Variants in CTNNB1 observed in about 807,000 individuals in gnomAD.
CTNNB1 encodes the protein catenin beta-1.
Under a neutral mutation model 82.5 loss-of-function variants are expected in CTNNB1, and 6 were observed. The ratio of observed to expected loss-of-function variants is 0.07; its 90% confidence interval spans 0.04 to 0.14. The LOEUF is 0.14. Ranked by LOEUF, CTNNB1 falls within the 10% of genes least tolerant of loss-of-function variation. The pLI, the probability that CTNNB1 is intolerant of heterozygous loss-of-function variation, is 1.00. For synonymous variants in CTNNB1, 312 were observed against 329.7 expected (o/e 0.95, Z 0.58); for missense variants, 529 against 980.4 (o/e 0.54, Z 6.15).
rs201061014 is a variant in CTNNB1, at chr3:41,236,658, A to G, written c.2025A>G (p.Ser675=). 1.9e-5 allele frequency: 30 copies of G among 1,614,252 alleles called. No homozygotes were observed. The African/African-American group carries it at 3.6e-4, about 19-fold the overall frequency. The change falls in exon 13 of 15, where the codon TCA becomes TCG. Residue 675 remains serine, a synonymous_variant. Coordinates refer to ENST00000349496, the MANE Select transcript of CTNNB1 (RefSeq NM_001904.4). ...CACAAGATTACAAGAAACGGCTTTC[A>G]GTTGAGCTGACCAGCTCTCTCTTCA... ...DKPQDYKKRL[S]VELTSSLFRT... is the part of the protein sequence containing the mutation.
chr3:41,210,315 G>A (rs527514247), intron 1 of CTNNB1, among the ~76,000 whole-genome samples: 65 of 152,194 alleles, frequency 4.3e-4, no homozygotes, highest in African/African-American at 1.3e-3. Context: ...TTAGCCGGGC[G>A]TGGTGGCGGG....
At chr3:41,232,106 T>A (rs1575327039) in intron 7 of CTNNB1, among the ~76,000 whole-genome samples, 1 of 151,336 alleles carries the variant, frequency 6.6e-6, no homozygotes, top group African/African-American at 2.4e-5. Flanking sequence ...GAAGGGGAGG[T>A]AGAGGTGCCA....
At chr3:41,224,490 C>T (rs759006595) in intron 2 of CTNNB1, 36 bp from the exon 3 acceptor site, 17 of 1,546,522 alleles carry the variant, frequency 1.1e-5, no homozygotes, top group Non-Finnish European at 1.5e-5. Context: ...GTAACATTTC[C>T]AATCTACTAA....
In CTNNB1 at chr3:41,239,443, G is replaced by A; in HGVS notation, c.*101G>A. 9.7e-7 allele frequency: 1 copy of A among 1,032,320 alleles called. No homozygotes were observed. Among genetic ancestry groups the A allele is most frequent in the South Asian group, 1.4e-5 (1 of 73,338 alleles). 63.9% of individuals were successfully genotyped at this position (1,032,320 alleles called of 1,614,324 possible). A position where few individuals can be genotyped will look rare whatever the true frequency, so the allele number is the denominator to read the frequency against. On this transcript the variant is annotated 3_prime_UTR_variant, in exon 15 of 15. Transcript: ENST00000349496. Reference sequence around the variant, plus strand: ...AGACTTGGTTGGTAGGGTGGGAGTGGTTTAGGCTATTTGTAAATCTGCCAC... The same window carrying A: ...AGACTTGGTTGGTAGGGTGGGAGTGATTTAGGCTATTTGTAAATCTGCCAC...
chr3:41,210,092 C>T (rs1406376564), intron 1 of CTNNB1, among the ~76,000 whole-genome samples: 1 of 152,258 alleles, frequency 6.6e-6, no homozygotes, highest in South Asian at 2.1e-4. Flanking sequence ...CAAAAATTTT[C>T]TTTATATCTT....
Position 41,234,314 on chromosome 3 carries a change from A to G in CTNNB1, c.1683+17A>G, listed in dbSNP as rs2276826. On this transcript the variant is annotated intron_variant, in intron 10 of 14. Transcript: ENST00000349496. ...CAATTTGTGGTAGGTAAATTCTTAC[A>G]GTGATACCTGGCTATCTAAAAGGAA... 1,503 of 1,613,840 alleles carry G rather than the reference A, an allele frequency of 9.3e-4. 24 individuals carry two copies. In the East Asian group the frequency reaches 0.028, roughly 30 times the overall value.
chr3:41,210,125 A>G (rs1011060962), intron 1 of CTNNB1, among the ~76,000 whole-genome samples: 1 of 152,148 alleles, frequency 6.6e-6, no homozygotes, highest in Non-Finnish European at 1.5e-5. Flanking sequence ...TATATTTTTA[A>G]AATTACTTTT....
At chr3:41,199,876 C>T (rs1038925191) in intron 1 of CTNNB1, 5 of 148,550 alleles carry the variant, frequency 3.4e-5, no homozygotes, top group Admixed American at 3.3e-4. Flanking sequence ...GTTCCGGTCG[C>T]GCTGCCTCTC....
intron 1 of CTNNB1, among the ~76,000 whole-genome samples, chr3:41,204,438 A>G (rs989400015): frequency 6.6e-6 from 1 of 152,232 alleles, no homozygotes; most frequent in African/African-American, 2.4e-5. Flanking sequence ...TAAGAATAAG[A>G]TCGCTTTCAG....
chr3:41,204,167 C>T (rs1354483594), intron 1 of CTNNB1, among the ~76,000 whole-genome samples: 7 of 151,580 alleles, frequency 4.6e-5, no homozygotes, highest in Admixed American at 3.3e-4. Flanking sequence ...ATTAAATATT[C>T]CTCCATCAAG....
intron 1 of CTNNB1, chr3:41,220,898 A>G (rs1036770832): frequency 2.0e-5 from 3 of 152,236 alleles, no homozygotes; most frequent in African/African-American, 7.2e-5. Flanking sequence ...AAATAACTTC[A>G]GTGTGAAATC....
intron 1 of CTNNB1, among the ~76,000 whole-genome samples, chr3:41,213,634 T>G (rs1419725998): frequency 6.6e-6 from 1 of 152,116 alleles, no homozygotes; most frequent in Non-Finnish European, 1.5e-5. Flanking sequence ...CTAAAAGGAG[T>G]TGTGGAAAAG....
At chr3:41,229,716 T>C (rs1306621392) in intron 7 of CTNNB1, among the ~76,000 whole-genome samples, 3 of 152,204 alleles carry the variant, frequency 2.0e-5, no homozygotes, top group Non-Finnish European at 4.4e-5. Flanking sequence ...TGCCCTGATA[T>C]TCTGTATTCT....
chr3:41,199,946 C>G (rs1299005922), intron 1 of CTNNB1: 1 of 41,152 alleles, frequency 2.4e-5, no homozygotes, highest in Non-Finnish European at 4.5e-5. Context: ...TACAGGAGCC[C>G]GGATGGCAGG....
chr3:41,218,892 A>G (rs1275048004), intron 1 of CTNNB1, among the ~76,000 whole-genome samples: 1 of 152,088 alleles, frequency 6.6e-6, no homozygotes, highest in East Asian at 1.9e-4. Flanking sequence ...TTTCCATCCT[A>G]TTCCCTTTGC....
chr3:41,208,102 T>G (rs2077691482), intron 1 of CTNNB1, among the ~76,000 whole-genome samples: 1 of 152,208 alleles, frequency 6.6e-6, no homozygotes, highest in Admixed American at 6.5e-5. Context: ...TGTCTCTTAT[T>G]TCTGTCATAA....
At position 41,211,772 on chromosome 3, in the gene CTNNB1, G is replaced by A. The variant is rs112228124; in HGVS notation, c.-49+12102G>A. ...CCACATTTTCTTGATCCAGTCTACC[G>A]TTCATGGGCATTTGGGTTGATTGTA... On this transcript the variant is annotated intron_variant, in intron 1 of 14. Coordinates refer to ENST00000349496, the MANE Select transcript of CTNNB1 (RefSeq NM_001904.4). Among the ~76,000 whole-genome samples the A allele has an allele frequency of 5.8e-3, 890 of 152,194 alleles. 4 individuals are homozygous for A. The highest frequency in any genetic ancestry group is 9.5e-3 in the African/African-American group (396 of 41,520).
Position 41,225,298 on chromosome 3 carries a change from G to A in CTNNB1, c.496-36G>A, listed in dbSNP as rs2078148727. ...GAATGTCTACCCAATACCAGTACTTGAAAACTAACGATGTTTCTGAATTCC... is the reference window on the plus strand; with the variant it reads ...GAATGTCTACCCAATACCAGTACTTAAAAACTAACGATGTTTCTGAATTCC... On this transcript the variant is annotated intron_variant, in intron 4 of 14. Transcript: ENST00000349496. The surrounding 1 kb of genome is among the most constrained non-coding windows in gnomAD (Gnocchi z 5.3). The A allele has an allele frequency of 6.2e-7, 1 of 1,613,716 alleles. No individual in the cohort carries two copies. The highest frequency in any genetic ancestry group is 1.1e-5 in the South Asian group (1 of 91,042).
At chr3:41,224,215 C>A in intron 2 of CTNNB1, 134 bp downstream of exon 2, 2 of 1,097,858 alleles carry the variant, frequency 1.8e-6, no homozygotes, top group South Asian at 1.3e-5. Context: ...ATTTTCTGCT[C>A]ACTCCTCCTA....
Sources: allele counts gnomAD v4.1 joint callset (sites outside exome capture counted in the v4.1 genomes callset), GRCh38; gene constraint gnomAD v4.1.1; non-coding constraint Gnocchi (gnomAD v3.1); transcripts MANE v1.5; gene names NCBI Gene and HGNC (gene_info 2026-07-23, HGNC 2026-07-21).